Variants in MICU3 observed in about 807,000 individuals in gnomAD.
The protein encoded by MICU3 is mitochondrial calcium uptake 3, also known as calcium uptake protein 3, mitochondrial.
A neutral mutation model predicts 66.5 loss-of-function variants in MICU3; 62 were observed. The observed-to-expected ratio is 0.93, with a 90% CI of 0.76 to 1.15. The LOEUF (loss-of-function observed/expected upper bound fraction) is 1.15, where lower values mean the gene tolerates loss of function less well. MICU3 is among the 50% of genes most tolerant of loss of function. MICU3 has a pLI of 0.00. For synonymous variants in MICU3, 308 were observed against 240.7 expected (o/e 1.28, Z -2.59); for missense variants, 779 against 664.4 (o/e 1.17, Z -1.90).
intron 7 of MICU3, among the ~76,000 whole-genome samples, chr8:17,087,247 T>C (rs1585420542): frequency 6.6e-6 from 1 of 152,054 alleles, no homozygotes; most frequent in Admixed American, 6.6e-5. Context: ...GTATCCATAA[T>C]CATTCATTAA....
intron 3 of MICU3, among the ~76,000 whole-genome samples, chr8:17,077,414 A>T (rs1820535561): frequency 6.6e-6 from 1 of 152,186 alleles, no homozygotes; most frequent in African/African-American, 2.4e-5. Flanking sequence ...TCCGACCTTG[A>T]TATGGAAATC....
rs1460605061 is a variant in MICU3 at position 17,114,085 on chromosome 8, C to G, written c.1258-8C>G. The G allele has an allele frequency of 2.5e-6, 4 of 1,575,944 alleles. No individual in the cohort carries two copies. Among genetic ancestry groups the G allele is most frequent in the Non-Finnish European group, 3.5e-6 (4 of 1,154,034 alleles). On this transcript the variant is annotated splice_polypyrimidine_tract_variant and splice_region_variant and intron_variant, in intron 11 of 14. Coordinates refer to ENST00000318063, the MANE Select transcript of MICU3 (RefSeq NM_181723.3). ...CTAAATGTATTTTCATTTCCTTTCC[C>G]AATATAGGGCATCACATTTGATGAA... is the stretch of plus-strand genomic sequence containing the variant.
In MICU3 at chr8:17,118,737, T is replaced by G; in HGVS notation, c.1555T>G (p.Phe519Val). Reference sequence around the variant, plus strand: ...TAAAACAGTCCAGAAGTACCCCACTTTCAAATCCTGCCTGAAGAAAGAACT... The same window carrying G: ...TAAAACAGTCCAGAAGTACCCCACTGTCAAATCCTGCCTGAAGAAAGAACT... Reference protein sequence around the residue: ...GYKTVQKYPTFKSCLKKELHS... With the variant: ...GYKTVQKYPTVKSCLKKELHS... Residue 519 changes from phenylalanine to valine, a missense_variant, in exon 14 of 15, where the codon TTC becomes GTC. Physicochemically the swap from Phe to Val is conservative, Grantham distance 50 (BLOSUM62 -1). Coordinates refer to ENST00000318063, the MANE Select transcript of MICU3 (RefSeq NM_181723.3). 1 of 1,612,814 alleles carries G rather than the reference T, an allele frequency of 6.2e-7. No homozygotes were observed. Among genetic ancestry groups the G allele is most frequent in the Non-Finnish European group, 8.5e-7 (1 of 1,179,044 alleles).
chr8:17,113,686 A>C (rs1029210248), intron 11 of MICU3, among the ~76,000 whole-genome samples: 3 of 152,198 alleles, frequency 2.0e-5, no homozygotes, highest in African/African-American at 7.2e-5. Context: ...TGAGGAATAC[A>C]TGTGCAGGGG....
intron 8 of MICU3, among the ~76,000 whole-genome samples, chr8:17,093,977 C>T (rs1053722473): frequency 2.0e-5 from 3 of 151,952 alleles, no homozygotes; most frequent in South Asian, 2.1e-4. Context: ...CCATATACCA[C>T]GAATCCCCTT....
chr8:17,037,099 C>T lies in MICU3; in HGVS notation c.381+9439C>T, dbSNP rs951728531. 7.2e-5 allele frequency among the ~76,000 whole-genome samples: 11 copies of T among 152,326 alleles called. No homozygotes were observed. In the East Asian group the frequency reaches 7.7e-4, roughly 11 times the overall value. On this transcript the variant is annotated intron_variant, in intron 1 of 14. Transcript: ENST00000318063. ...ACTGCCCGGGGCCAGCAGGGCTGGC[C>T]GGCTGCTCCGACTGCGGGGCCTGCC...
chr8:17,085,170 T>C, intron 5 of MICU3, 66 bp from the exon 6 acceptor site: 1 of 1,045,494 alleles, frequency 9.6e-7, no homozygotes, highest in Non-Finnish European at 1.5e-6. Context: ...TTACAACTAA[T>C]ATGGATTTTG....
At chr8:17,128,605 T>C in the MICU3 span, among the ~76,000 whole-genome samples, 2 of 152,320 alleles carry the variant, frequency 1.3e-5, no homozygotes, top group Non-Finnish European at 1.5e-5. Context: ...ATTAGACTTA[T>C]CCTTCTACCA....
Position 17,060,798 on chromosome 8 carries a change from A to G in MICU3, c.382-3286A>G, listed in dbSNP as rs1273803146. ...TTATACATATTCTTTTTTTTAGGAT[A>G]TAATTTTTTTTTTTTTTTGCCTGGG... On this transcript the variant is annotated intron_variant, in intron 1 of 14. Transcript: ENST00000318063. Among the ~76,000 whole-genome samples, 3 of 145,450 alleles carry G rather than the reference A, an allele frequency of 2.1e-5. No homozygotes were observed. The East Asian group carries it at 6.1e-4, about 30-fold the overall frequency.
At chr8:17,119,840 A>C (rs1040130595) in intron 14 of MICU3, among the ~76,000 whole-genome samples, 3 of 152,194 alleles carry the variant, frequency 2.0e-5, no homozygotes, top group African/African-American at 4.8e-5. Context: ...AGAGGCAAGC[A>C]GGCTTACTTA....
chr8:17,132,342 T>C, the MICU3 span: 2 of 152,208 alleles, frequency 1.3e-5, no homozygotes, highest in African/African-American at 4.8e-5. Flanking sequence ...TGTTCATTGA[T>C]TTCGCCCACC....
At chr8:17,111,608 A>G (rs1458298425) in intron 11 of MICU3, among the ~76,000 whole-genome samples, 2 of 152,326 alleles carry the variant, frequency 1.3e-5, no homozygotes, top group East Asian at 3.9e-4. Flanking sequence ...ATTCAAGGTC[A>G]TGAAGTTTTG....
At chr8:17,080,423 T>C (rs1285244265) in intron 4 of MICU3, among the ~76,000 whole-genome samples, 1 of 152,088 alleles carries the variant, frequency 6.6e-6, no homozygotes, top group East Asian at 1.9e-4. Flanking sequence ...TAAAGTTCTT[T>C]ATACCAACCA....
At chr8:17,055,920 G>A (rs1816849065) in intron 1 of MICU3, among the ~76,000 whole-genome samples, 1 of 152,186 alleles carries the variant, frequency 6.6e-6, no homozygotes, top group Non-Finnish European at 1.5e-5. Context: ...TTTGGATAAA[G>A]GTGAATTAAC....
chr8:17,134,365 G>A, the MICU3 span: 2 of 153,322 alleles, frequency 1.3e-5, 1 homozygote, highest in East Asian at 3.8e-4. Flanking sequence ...GATCTAGGAA[G>A]AGCTCATGTT....
At chr8:17,116,295 TAA>T in intron 12 of MICU3, 146 bp from the exon 13 acceptor site, 1 of 490,120 alleles carries the variant, frequency 2.0e-6, no homozygotes, top group Non-Finnish European at 3.4e-6. Flanking sequence ...GTTCATTACC[TAA>T]AAGACAGCAG....
At position 17,065,911 on chromosome 8, in the gene MICU3, A is replaced by C. The variant is rs150340725; in HGVS notation, c.535+1674A>C. 2.1e-3 allele frequency among the ~76,000 whole-genome samples: 320 copies of C among 152,290 alleles called. 6 individuals are homozygous for C. The East Asian group carries it at 0.035, about 17-fold the overall frequency. ...GATTATGCAAGATTTTAAATTAAAA[A>C]AAAGATTTTAACAAGAAACTATGAG... is the stretch of plus-strand genomic sequence containing the variant. On this transcript the variant is annotated intron_variant, in intron 2 of 14. Coordinates refer to ENST00000318063, the MANE Select transcript of MICU3 (RefSeq NM_181723.3).
intron 1 of MICU3, among the ~76,000 whole-genome samples, chr8:17,028,857 A>G (rs572417633): frequency 6.6e-6 from 1 of 152,280 alleles, no homozygotes; most frequent in South Asian, 2.1e-4. Flanking sequence ...TCATGATGGC[A>G]GAACTTTTAA....
chr8:17,034,405 C>T (rs1812619002), intron 1 of MICU3, among the ~76,000 whole-genome samples: 1 of 152,192 alleles, frequency 6.6e-6, no homozygotes, highest in Admixed American at 6.5e-5. Context: ...GTCCATGGAT[C>T]AAGGAGTAAT....
Sources: allele counts gnomAD v4.1 joint callset (sites outside exome capture counted in the v4.1 genomes callset), GRCh38; gene constraint gnomAD v4.1.1; transcripts MANE v1.5; gene names NCBI Gene and HGNC (gene_info 2026-07-23, HGNC 2026-07-21).